Variants in PTPRN2 observed in about 807,000 individuals in gnomAD.
The protein encoded by PTPRN2 is receptor-type tyrosine-protein phosphatase N2.
Under a neutral mutation model 118.8 loss-of-function variants are expected in PTPRN2, and 74 were observed. The observed-to-expected ratio is 0.62, with a 90% confidence interval of 0.52 to 0.76. PTPRN2 has a LOEUF of 0.76. PTPRN2 is among the 30% of genes least tolerant of loss of function. The pLI is 0.00. For synonymous variants in PTPRN2, 641 were observed against 608.0 expected, an observed-to-expected ratio of 1.05 and a Z score of -0.80; for missense variants, 1,481 against 1,394.4, an observed-to-expected ratio of 1.06 and a Z score of -0.99.
chr7:157,826,517 G>A (rs536044744), intron 12 of PTPRN2, among the ~76,000 whole-genome samples: 1 of 107,172 alleles, frequency 9.3e-6, no homozygotes, highest in Non-Finnish European at 1.9e-5. Flanking sequence ...GCACGAACAC[G>A]ATCGTCACAA....
At chr7:157,630,035 A>G (rs550589252) in intron 14 of PTPRN2, among the ~76,000 whole-genome samples, 10 of 152,334 alleles carry the variant, frequency 6.6e-5, no homozygotes, top group Non-Finnish European at 1.3e-4. Context: ...TGAACGGGAA[A>G]TATTCATGTT....
At chr7:157,810,678 G>A (rs150759950) in intron 12 of PTPRN2, among the ~76,000 whole-genome samples, 2,276 of 139,944 alleles carry the variant, frequency 0.016, 112 homozygotes, top group African/African-American at 0.06. Flanking sequence ...GGCTCTTCAC[G>A]GGGACGGCGG....
At chr7:157,630,030 G>A (rs576666277) in intron 14 of PTPRN2, among the ~76,000 whole-genome samples, 2 of 152,072 alleles carry the variant, frequency 1.3e-5, no homozygotes, top group Admixed American at 1.3e-4. Context: ...ATACATGAAC[G>A]GGAAATATTC....
At chr7:157,581,385 G>C (rs929311043) in intron 17 of PTPRN2, among the ~76,000 whole-genome samples, 1 of 152,252 alleles carries the variant, frequency 6.6e-6, no homozygotes, top group African/African-American at 2.4e-5. Context: ...AGCTCTGTGG[G>C]CCTGGGGTGG....
chr7:158,143,407 C>T (rs1819573443), intron 6 of PTPRN2, among the ~76,000 whole-genome samples: 1 of 152,188 alleles, frequency 6.6e-6, no homozygotes, highest in African/African-American at 2.4e-5. Context: ...ATGGCTGTCC[C>T]CAGCAGTCGG....
intron 12 of PTPRN2, among the ~76,000 whole-genome samples, chr7:157,746,725 C>T (rs2907684): frequency 0.12 from 18,489 of 152,306 alleles, 1,394 homozygotes; most frequent in Admixed American, 0.21. Context: ...TCAGCAGTTT[C>T]TAGAGCAGAA....
intron 14 of PTPRN2, among the ~76,000 whole-genome samples, chr7:157,631,255 C>T (rs1217440551): frequency 2.0e-5 from 3 of 152,180 alleles, no homozygotes; most frequent in Non-Finnish European, 2.9e-5. Flanking sequence ...TGGAATCTTC[C>T]GGAGAAAGTC....
At chr7:157,973,012 G>A (rs907744480) in intron 11 of PTPRN2, among the ~76,000 whole-genome samples, 1 of 152,218 alleles carries the variant, frequency 6.6e-6, no homozygotes, top group African/African-American at 2.4e-5. Flanking sequence ...AGAGACTGCA[G>A]GAACTCCACA....
In PTPRN2 at chr7:157,869,798, A is replaced by G. The variant is rs1488079918; in HGVS notation, c.1788+28875T>C. Among the ~76,000 whole-genome samples, 1 of 152,128 alleles carries G rather than the reference A, an allele frequency of 6.6e-6. No individual in the cohort carries two copies. Among genetic ancestry groups the G allele is most frequent in the Non-Finnish European group, 1.5e-5 (1 of 68,006 alleles). ...GCTCTCTGGTGAAGCTTTCCCAGGC[A>G]TTTTTCTGCTAAAGTTTTTATAACT... On this transcript the variant is annotated intron_variant, in intron 12 of 22. Transcript: ENST00000389418. The surrounding 1 kb of genome is among the most constrained non-coding windows in gnomAD (Gnocchi z 4.2).
At chr7:158,468,087 T>C (rs572920786) in intron 2 of PTPRN2, among the ~76,000 whole-genome samples, 2 of 152,310 alleles carry the variant, frequency 1.3e-5, no homozygotes, top group South Asian at 4.1e-4. Flanking sequence ...TTTACAGTCT[T>C]CCTACATCTT....
chr7:158,374,055 G>A (rs73729779), intron 2 of PTPRN2, among the ~76,000 whole-genome samples: 96 of 152,350 alleles, frequency 6.3e-4, no homozygotes, highest in African/African-American at 2.2e-3. Flanking sequence ...CCACGCGCCC[G>A]GCACTGGAGT....
chr7:158,435,934 G>A (rs1455256402), intron 2 of PTPRN2, among the ~76,000 whole-genome samples: 1 of 152,186 alleles, frequency 6.6e-6, no homozygotes, highest in Non-Finnish European at 1.5e-5. Context: ...GCAGGGTGAG[G>A]TATTGCTAAT....
chr7:158,214,836 C>T (rs148272749), intron 3 of PTPRN2, among the ~76,000 whole-genome samples: 1 of 152,238 alleles, frequency 6.6e-6, no homozygotes, highest in Non-Finnish European at 1.5e-5. Context: ...ATCTCCCTGT[C>T]AGTTACAAGG....
intron 3 of PTPRN2, among the ~76,000 whole-genome samples, chr7:158,227,774 C>G (rs1291316651): frequency 6.6e-6 from 1 of 152,174 alleles, no homozygotes; most frequent in African/African-American, 2.4e-5. Context: ...AGAGGAAACA[C>G]TCCTTAAGAA....
chr7:158,327,099 AC>A (rs1204843203), intron 2 of PTPRN2, among the ~76,000 whole-genome samples: 2 of 149,684 alleles, frequency 1.3e-5, no homozygotes, highest in Non-Finnish European at 1.5e-5. Flanking sequence ...ACTCATTCTC[AC>A]CCATGCACAT....
intron 13 of PTPRN2, among the ~76,000 whole-genome samples, chr7:157,675,219 T>C (rs1414809170): frequency 6.6e-6 from 1 of 152,190 alleles, no homozygotes; most frequent in African/African-American, 2.4e-5. Context: ...CCTCCCGCCA[T>C]GGGCAGCAGG....
intron 2 of PTPRN2, among the ~76,000 whole-genome samples, chr7:158,397,960 G>A (rs1264085528): frequency 6.6e-6 from 1 of 152,148 alleles, no homozygotes; most frequent in East Asian, 1.9e-4. Flanking sequence ...GTAGGAACCG[G>A]AGGGACGGCC....
intron 1 of PTPRN2, among the ~76,000 whole-genome samples, chr7:158,576,710 C>T (rs865974128): frequency 1.3e-5 from 2 of 152,066 alleles, no homozygotes; most frequent in Admixed American, 1.3e-4. Flanking sequence ...CAGTCCTGCC[C>T]GATGCCACAA....
intron 19 of PTPRN2, 67 bp downstream of exon 19, chr7:157,576,546 C>T (rs549572695): frequency 1.4e-6 from 2 of 1,426,472 alleles, no homozygotes; most frequent in Non-Finnish European, 9.4e-7. Flanking sequence ...TCAGGAGCAC[C>T]GAAGCCTCGC....
Sources: gnomAD v4.1 joint callset for allele counts (sites outside exome capture counted in the v4.1 genomes callset) on GRCh38, gnomAD v4.1.1 for gene constraint, Gnocchi (gnomAD v3.1) non-coding constraint, MANE v1.5 for transcripts, NCBI Gene and HGNC (gene_info 2026-07-23, HGNC 2026-07-21) for gene names.